MARCHF1: variants seen among roughly 807,000 people sequenced by gnomAD.
MARCHF1 encodes the protein membrane associated ring-CH-type finger 1.
A neutral mutation model predicts 54.2 loss-of-function variants in MARCHF1; 40 were observed. That is an observed-to-expected ratio of 0.74 (90% CI 0.57 to 0.96). The LOEUF (loss-of-function observed/expected upper bound fraction) is 0.96. MARCHF1 is among the 40% of genes least tolerant of loss of function. MARCHF1 has a pLI of 0.00. For synonymous variants in MARCHF1, 236 were observed against 236.3 expected (o/e 1.00, Z 0.01); for missense variants, 586 against 656.5 (o/e 0.89, Z 1.17).
intron 4 of MARCHF1, among the ~76,000 whole-genome samples, chr4:163,759,066 C>T (rs1746758156): frequency 6.6e-6 from 1 of 151,410 alleles, no homozygotes; most frequent in Non-Finnish European, 1.5e-5. Context: ...TTCATTCTTT[C>T]TATGTATTTT....
chr4:164,308,763 T>C (rs1221637919), intron 1 of MARCHF1, among the ~76,000 whole-genome samples: 1 of 151,952 alleles, frequency 6.6e-6, no homozygotes, highest in Non-Finnish European at 1.5e-5. Flanking sequence ...TGAGAATTCA[T>C]GGACACAAGA....
intron 1 of MARCHF1, among the ~76,000 whole-genome samples, chr4:164,151,882 C>A (rs1037884244): frequency 1.3e-5 from 2 of 152,096 alleles, no homozygotes; most frequent in African/African-American, 4.8e-5. Context: ...GCTTTCTTGA[C>A]CTTTCCAATT....
chr4:164,203,633 C>T (rs970973390), intron 1 of MARCHF1, among the ~76,000 whole-genome samples: 2 of 152,058 alleles, frequency 1.3e-5, no homozygotes, highest in African/African-American at 4.8e-5. Context: ...CAAAACAAAA[C>T]AAACCTTCAT....
chr4:163,596,318 G>A (rs1297930659), intron 7 of MARCHF1, among the ~76,000 whole-genome samples: 1 of 151,980 alleles, frequency 6.6e-6, no homozygotes, highest in Non-Finnish European at 1.5e-5. Context: ...GAGGCAGGCA[G>A]ATCACAAGGT....
At chr4:163,630,670 C>T (rs1047174019) in intron 5 of MARCHF1, among the ~76,000 whole-genome samples, 6 of 151,842 alleles carry the variant, frequency 4.0e-5, no homozygotes, top group African/African-American at 7.3e-5. Flanking sequence ...AAAAACAGAC[C>T]GGAAGCTATA....
intron 2 of MARCHF1, among the ~76,000 whole-genome samples, chr4:164,101,506 G>C (rs992927605): frequency 2.4e-5 from 3 of 125,710 alleles, no homozygotes; most frequent in Non-Finnish European, 5.3e-5. Flanking sequence ...GGGGCACACT[G>C]ACACCTAACA....
chr4:164,238,674 A>G (rs1732638346), intron 1 of MARCHF1, among the ~76,000 whole-genome samples: 1 of 151,946 alleles, frequency 6.6e-6, no homozygotes, highest in African/African-American at 2.4e-5. Context: ...TCCAGAAAAA[A>G]GTTACTGAGT....
At chr4:164,167,475 C>A (rs190863334) in intron 1 of MARCHF1, among the ~76,000 whole-genome samples, 26 of 151,510 alleles carry the variant, frequency 1.7e-4, no homozygotes, top group Non-Finnish European at 1.8e-4. Context: ...ATAGACAAAC[C>A]AATACTGAGA....
intron 1 of MARCHF1, among the ~76,000 whole-genome samples, chr4:164,344,027 T>C (rs779785605): frequency 6.6e-6 from 1 of 152,194 alleles, no homozygotes. Flanking sequence ...ATATATATCA[T>C]GGACTACTAT....
intron 2 of MARCHF1, among the ~76,000 whole-genome samples, chr4:163,996,634 C>A (rs1753082027): frequency 1.3e-5 from 2 of 152,202 alleles, no homozygotes; most frequent in African/African-American, 4.8e-5. Context: ...ATCTTCCCCA[C>A]CAATTCCTAC....
intron 2 of MARCHF1, among the ~76,000 whole-genome samples, chr4:164,093,886 C>A (rs1237413525): frequency 1.3e-5 from 2 of 152,016 alleles, no homozygotes; most frequent in African/African-American, 4.8e-5. Context: ...CTTCTCTTTG[C>A]CCCTTATATT....
chr4:163,636,757 T>C (rs1366345904), intron 5 of MARCHF1, among the ~76,000 whole-genome samples: 9 of 152,152 alleles, frequency 5.9e-5, no homozygotes, highest in Non-Finnish European at 1.0e-4. Flanking sequence ...TTAAAGTTCA[T>C]ATGGAACCAA....
At chr4:164,340,280 A>C (rs978363471) in intron 1 of MARCHF1, among the ~76,000 whole-genome samples, 4 of 148,436 alleles carry the variant, frequency 2.7e-5, no homozygotes, top group African/African-American at 9.8e-5. Context: ...TCTGTCACCC[A>C]GGCTGGAGTG....
chr4:163,773,894 G>T lies in MARCHF1; in HGVS notation c.112-73031C>A, dbSNP rs1015385483. Among the ~76,000 whole-genome samples the T allele has an allele frequency of 3.3e-5, 5 of 152,058 alleles. No homozygotes were observed. In the East Asian group the frequency reaches 9.6e-4, roughly 29 times the overall value. On this transcript the variant is annotated intron_variant, in intron 4 of 9. Coordinates refer to ENST00000514618, the MANE Select transcript of MARCHF1 (RefSeq NM_001394959.1). ...TTTTTACAATAAAAATATATATAAT[G>T]CCATGAATGGTGCCATTCAAGCCAA...
chr4:163,703,239 T>TA lies in MARCHF1; in HGVS notation c.112-2377dup, dbSNP rs1292386535. Among the ~76,000 whole-genome samples, 15 of 152,172 alleles carry TA rather than the reference T, an allele frequency of 9.9e-5. No individual in the cohort carries two copies. In the South Asian group the frequency reaches 1.9e-3, roughly 19 times the overall value. On this transcript the variant is annotated intron_variant, in intron 4 of 9. Transcript: ENST00000514618. ...TAGGTCACTATACAATTTTTTTTTT[T>TA]ACATAAACATCTTATTTTCTATATC...
chr4:164,200,262 A>T (rs1470068697), intron 1 of MARCHF1, among the ~76,000 whole-genome samples: 1 of 152,220 alleles, frequency 6.6e-6, no homozygotes, highest in Non-Finnish European at 1.5e-5. Flanking sequence ...GGCAAGATGC[A>T]AGATATCATT....
At chr4:163,764,104 C>G (rs1746907704) in intron 4 of MARCHF1, among the ~76,000 whole-genome samples, 2 of 151,978 alleles carry the variant, frequency 1.3e-5, no homozygotes, top group Admixed American at 6.6e-5. Context: ...TCGTCTGTGC[C>G]TAAGTCAACT....
chr4:164,210,864 T>C (rs898836083), intron 1 of MARCHF1, among the ~76,000 whole-genome samples: 2 of 152,252 alleles, frequency 1.3e-5, no homozygotes, highest in South Asian at 2.1e-4. Context: ...TAAAGAAAAC[T>C]ATTCTGCCTT....
chr4:163,719,433 T>A (rs1048053408), intron 4 of MARCHF1, among the ~76,000 whole-genome samples: 9 of 152,180 alleles, frequency 5.9e-5, no homozygotes, highest in Non-Finnish European at 1.3e-4. Flanking sequence ...TCTATCATTG[T>A]TGGACATTTG....
Sources: gnomAD v4.1 joint callset for allele counts (sites outside exome capture counted in the v4.1 genomes callset) on GRCh38, gnomAD v4.1.1 for gene constraint, MANE v1.5 for transcripts, NCBI Gene and HGNC (gene_info 2026-07-23, HGNC 2026-07-21) for gene names.